ABCA13: variants seen among roughly 807,000 people sequenced by gnomAD.
ABCA13 encodes the protein ATP-binding cassette sub-family A member 13.
A neutral mutation model predicts 478.7 loss-of-function variants in ABCA13; 476 were observed. That is an observed-to-expected ratio of 0.99 (90% CI 0.92 to 1.07). The LOEUF is 1.07. ABCA13 is among the 50% of genes least tolerant of loss of function. The pLI is 0.00. For synonymous variants in ABCA13, 2,252 were observed against 2,158.9 expected, an observed-to-expected ratio of 1.04 and a Z score of -1.20; for missense variants, 6,060 against 5,910.6, an observed-to-expected ratio of 1.03 and a Z score of -0.83.
At chr7:48,529,840 T>C (rs1406674744) in intron 55 of ABCA13, among the ~76,000 whole-genome samples, 2 of 152,212 alleles carry the variant, frequency 1.3e-5, no homozygotes, top group East Asian at 1.9e-4. Flanking sequence ...TGCAGTCTAT[T>C]AGAAGAGAAT....
At chr7:48,318,142 T>C (rs531122361) in intron 27 of ABCA13, among the ~76,000 whole-genome samples, 1 of 152,100 alleles carries the variant, frequency 6.6e-6, no homozygotes, top group Non-Finnish European at 1.5e-5. Context: ...TGGCATGGGA[T>C]CATATGAGCA....
rs1554419787 is a variant in ABCA13 at position 48,293,203 on chromosome 7, G to GC, written c.8956-2495dup. ...CTGAGAAGTCTTCAGCCCCCCCCCC[G>GC]CCACACACACACTAAATCTACCTCA... On this transcript the variant is annotated intron_variant, in intron 20 of 61. Transcript: ENST00000435803. Among the ~76,000 whole-genome samples the GC allele has an allele frequency of 5.2e-5, 6 of 114,996 alleles. No individual in the cohort carries two copies. The South Asian group carries it at 1.0e-3, about 19-fold the overall frequency. The allele number at this position is 114,996 out of a possible 152,430, so 75.4% of individuals were successfully genotyped here.
chr7:48,373,310 G>A (rs1184631943), intron 33 of ABCA13, among the ~76,000 whole-genome samples: 3 of 152,168 alleles, frequency 2.0e-5, no homozygotes, highest in Non-Finnish European at 4.4e-5. Flanking sequence ...GTCCAGCACA[G>A]GATTCATGAC....
At chr7:48,574,865 G>A (rs1447684603) in intron 55 of ABCA13, among the ~76,000 whole-genome samples, 1 of 151,992 alleles carries the variant, frequency 6.6e-6, no homozygotes, top group African/African-American at 2.4e-5. Context: ...AGATTTTTCT[G>A]CATTTTATCC....
intron 43 of ABCA13, among the ~76,000 whole-genome samples, chr7:48,459,073 C>T (rs3916019): frequency 0.16 from 24,179 of 152,066 alleles, 2,439 homozygotes; most frequent in East Asian, 0.23. Flanking sequence ...AGAAATTCTC[C>T]CTCCCCACTA....
chr7:48,273,976 T>C lies in ABCA13; in HGVS notation c.4310T>C (p.Ile1437Thr). 6.2e-7 allele frequency: 1 copy of C among 1,609,974 alleles called. No individual in the cohort carries two copies. Among genetic ancestry groups the C allele is most frequent in the Admixed American group, 1.7e-5 (1 of 59,770 alleles). ...AACAAAATGAACTCTATATTAAAAA[T>C]TGTAACTTGGGTGTTAAATATAAAA... ...IENKMNSILK[I>T]VTWVLNIKKP... Residue 1437 changes from isoleucine to threonine, a missense_variant, in exon 17 of 62, where the codon ATT becomes ACT. Physicochemically the swap from Ile to Thr is moderately conservative, Grantham distance 89. This residue lies in a region of ABCA13 where 4,423 missense variants were observed against 4,309.1 expected (regional missense o/e 1.03). Transcript: ENST00000435803.
intron 25 of ABCA13, 67 bp from the exon 26 acceptor site, chr7:48,314,165 C>G: frequency 6.6e-7 from 1 of 1,511,616 alleles, no homozygotes; most frequent in Non-Finnish European, 9.0e-7. Flanking sequence ...ACTAGACTTT[C>G]AGAAGTGTGT....
chr7:48,507,254 C>T (rs1044355162), intron 49 of ABCA13, among the ~76,000 whole-genome samples: 4 of 152,190 alleles, frequency 2.6e-5, no homozygotes, highest in Non-Finnish European at 5.9e-5. Flanking sequence ...GGAGTTCCAT[C>T]GTGTCGGCCT....
intron 43 of ABCA13, among the ~76,000 whole-genome samples, chr7:48,463,776 CGGAAT>C (rs199992643): frequency 0.23 from 24,019 of 106,290 alleles, 2,365 homozygotes; most frequent in East Asian, 0.32. Flanking sequence ...GGGAAAAGAA[CGGAAT>C]GGAATGGAAT....
intron 5 of ABCA13, among the ~76,000 whole-genome samples, chr7:48,224,992 A>T (rs988624036): frequency 3.3e-5 from 5 of 151,962 alleles, no homozygotes; most frequent in South Asian, 2.1e-4. Context: ...TATTATTATT[A>T]TTTTTTTAGA....
intron 13 of ABCA13, among the ~76,000 whole-genome samples, chr7:48,247,269 G>C (rs1791840114): frequency 6.6e-6 from 1 of 152,010 alleles, no homozygotes; most frequent in African/African-American, 2.4e-5. Context: ...AATAAGAAAA[G>C]TGTATGTGAA....
chr7:48,376,407 G>A (rs1813489179), intron 34 of ABCA13, 34 bp from the exon 35 acceptor site: 5 of 1,598,900 alleles, frequency 3.1e-6, no homozygotes, highest in Non-Finnish European at 4.3e-6. Context: ...AAGAGCTTGT[G>A]CAGTTCTAAC....
intron 3 of ABCA13, among the ~76,000 whole-genome samples, chr7:48,212,871 A>T (rs1785882889): frequency 6.6e-6 from 1 of 152,096 alleles, no homozygotes; most frequent in Admixed American, 6.5e-5. Flanking sequence ...TATTGCAAAT[A>T]TTATTTTCTC....
chr7:48,357,771 G>A (rs1810159963), intron 31 of ABCA13, among the ~76,000 whole-genome samples: 2 of 151,806 alleles, frequency 1.3e-5, no homozygotes, highest in African/African-American at 4.9e-5. Flanking sequence ...ACTATTAATT[G>A]CCACTTGCTA....
chr7:48,474,707 C>T (rs1827885631), intron 45 of ABCA13, among the ~76,000 whole-genome samples: 1 of 152,048 alleles, frequency 6.6e-6, no homozygotes, highest in South Asian at 2.1e-4. Flanking sequence ...GCACAAATGC[C>T]ATATTTTGGG....
At chr7:48,508,277 A>G (rs1831386976) in intron 50 of ABCA13, among the ~76,000 whole-genome samples, 2 of 152,346 alleles carry the variant, frequency 1.3e-5, no homozygotes, top group Non-Finnish European at 2.9e-5. Flanking sequence ...CTGGGAAATT[A>G]TAGAACTTTA....
rs1373910145 is a variant in ABCA13, at chr7:48,274,688, CAT to C, written c.5024_5025del (p.Ile1675ArgfsTer8). The C allele has an allele frequency of 1.9e-6, 3 of 1,613,978 alleles. No individual in the cohort carries two copies. Among genetic ancestry groups the C allele is most frequent in the Admixed American group, 3.3e-5 (2 of 60,030 alleles). On this transcript the variant is annotated frameshift_variant, in exon 17 of 62. Transcript: ENST00000435803. LOFTEE classifies it high-confidence loss of function. Reference protein sequence around the residue: ...SVMRTLKKADIDLLVDQLEQV... With the variant: ...SVMRTLKKADXDLLVDQLEQV... Reference sequence around the variant, plus strand: ...TCATGCGTACCCTTAAGAAGGCAGACATAGACCTTTTAGTGGATCAGCTTGAA... The same window carrying C: ...TCATGCGTACCCTTAAGAAGGCAGACAGACCTTTTAGTGGATCAGCTTGAA...
intron 48 of ABCA13, 79 bp from the exon 49 acceptor site, chr7:48,506,257 T>C (rs1001047972): frequency 6.9e-7 from 1 of 1,454,448 alleles, no homozygotes. Flanking sequence ...GCACAGGGAA[T>C]CTGCGTAGCC....
intron 38 of ABCA13, among the ~76,000 whole-genome samples, chr7:48,399,988 CT>C (rs1817369896): frequency 6.6e-6 from 1 of 151,834 alleles, no homozygotes; most frequent in African/African-American, 2.4e-5. Context: ...GACAGAATCT[CT>C]TTGTTCCTTG....
Sources: allele counts gnomAD v4.1 joint callset (sites outside exome capture counted in the v4.1 genomes callset), GRCh38; gene constraint gnomAD v4.1.1; regional missense constraint gnomAD v4.1.1; transcripts MANE v1.5; gene names NCBI Gene and HGNC (gene_info 2026-07-23, HGNC 2026-07-21).